Variants in TTC24 observed in about 807,000 individuals in gnomAD.
TTC24 encodes the protein tetratricopeptide repeat domain 24, also known as tetratricopeptide repeat protein 24.
Under a neutral mutation model 63.3 loss-of-function variants are expected in TTC24, and 54 were observed. The observed-to-expected ratio is 0.85, with a 90% CI of 0.69 to 1.07. The LOEUF (loss-of-function observed/expected upper bound fraction) is 1.07. Among genes scored for constraint, TTC24 ranks in the 50% least tolerant of loss-of-function variants. TTC24 has a pLI of 0.00. For missense variants in TTC24, 680 were observed against 730.5 expected (o/e 0.93, Z 0.80); for synonymous variants, 276 against 304.3 (o/e 0.91, Z 0.97).
chr1:156,584,045 T>A, intron 6 of TTC24, 150 bp downstream of exon 6: 8 of 624,152 alleles, frequency 1.3e-5, no homozygotes, highest in East Asian at 3.0e-5. Context: ...ATGAGATATA[T>A]CACTTTCCAA....
At position 156,582,419 on chromosome 1, in the gene TTC24, G is replaced by C. The variant is rs765231683; in HGVS notation, c.895G>C (p.Ala299Pro). Reference protein sequence around the residue: ...YQEAREFHQKAADLHGSVGQR... With the variant: ...YQEAREFHQKPADLHGSVGQR... The stretch of plus-strand genomic sequence containing the variant: ...GGAAGCTCGGGAGTTTCACCAGAAG[G>C]CTGCTGACCTACACGGTGGGTGCCT... The change falls in exon 3 of 11, where the codon GCT (alanine) becomes CCT (proline). Residue 299 changes from alanine to proline, a missense_variant. Ala to Pro is a conservative substitution (Grantham distance 27). Coordinates refer to ENST00000368236, the MANE Select transcript of TTC24 (RefSeq NM_001105669.4). The C allele has an allele frequency of 6.2e-7, 1 of 1,613,896 alleles. No individual in the cohort carries two copies. Among genetic ancestry groups the C allele is most frequent in the Non-Finnish European group, 8.5e-7 (1 of 1,179,844 alleles).
Position 156,581,580 on chromosome 1 carries a change from C to G in TTC24, c.216C>G (p.Thr72=). The change falls in exon 2 of 11, where the codon ACC becomes ACG. Residue 72 remains threonine (T), a synonymous_variant. Coordinates refer to ENST00000368236, the MANE Select transcript of TTC24 (RefSeq NM_001105669.4). ...TTCTGGCCTCCAAGGCCCCACAAACCAGGGATACCCCTGTGCTCCAGGCCT... is the reference window on the plus strand; with the variant it reads ...TTCTGGCCTCCAAGGCCCCACAAACGAGGGATACCCCTGTGCTCCAGGCCT... ...AFLLASKAPQ[T]RDTPVLQACA... The G allele has an allele frequency of 6.4e-7, 1 of 1,551,630 alleles. No homozygotes were observed. The highest frequency in any genetic ancestry group is 8.7e-7 in the Non-Finnish European group (1 of 1,146,942).
Position 156,581,346 on chromosome 1 carries a change from G to A in TTC24, c.-4-15G>A, listed in dbSNP as rs1205454153. The A allele has an allele frequency of 6.1e-6, 9 of 1,465,886 alleles. No homozygotes were observed. Among genetic ancestry groups the A allele is most frequent in the Non-Finnish European group, 6.3e-6 (7 of 1,105,798 alleles). 90.8% of individuals were successfully genotyped at this position (1,465,886 alleles called of 1,614,324 possible). On this transcript the variant is annotated splice_polypyrimidine_tract_variant and intron_variant, in intron 1 of 10. Coordinates refer to ENST00000368236, the MANE Select transcript of TTC24 (RefSeq NM_001105669.4). ...CCAAGGCTGACATACTGAGCCCTCT[G>A]TTCCCCTTTGTCAGCCCTATGTCTT...
intron 10 of TTC24, 141 bp from the exon 11 acceptor site, chr1:156,586,328 T>TA (rs1336311471): frequency 2.6e-5 from 19 of 717,788 alleles, no homozygotes; most frequent in Non-Finnish European, 4.3e-5. Flanking sequence ...ATATGAAGCT[T>TA]AAGCCAACTC....
chr1:156,583,541 C>T lies in TTC24; in HGVS notation c.1152+91C>T. The T allele has an allele frequency of 1.8e-6, 2 of 1,090,946 alleles. No homozygotes were observed. Among genetic ancestry groups the T allele is most frequent in the South Asian group, 3.1e-5 (2 of 64,712 alleles). The allele number at this position is 1,090,946 out of a possible 1,614,324, so 67.6% of individuals were successfully genotyped here. A position where few individuals can be genotyped will look rare whatever the true frequency, so the allele number is the denominator to read the frequency against. On this transcript the variant is annotated intron_variant, in intron 5 of 10. Transcript: ENST00000368236. This position sits in a 1 kb window ranked among gnomAD's most constrained non-coding sequence, Gnocchi z 4.0. Reference sequence around the variant, plus strand: ...TTCACTCCTTGTCTTCTCCCCATCACTCACTCAATCAGCAAACATGCACTG... The same window carrying T: ...TTCACTCCTTGTCTTCTCCCCATCATTCACTCAATCAGCAAACATGCACTG...
chr1:156,585,137 G>T lies in TTC24; in HGVS notation c.1362G>T (p.Gly454=), dbSNP rs776675227. The T allele has an allele frequency of 6.2e-7, 1 of 1,612,272 alleles. No homozygotes were observed. The highest frequency in any genetic ancestry group is 8.5e-7 in the Non-Finnish European group (1 of 1,179,014). The change falls in exon 8 of 11, where the codon GGG becomes GGT. Residue 454 remains glycine (G), a synonymous_variant. Coordinates refer to ENST00000368236, the MANE Select transcript of TTC24 (RefSeq NM_001105669.4). ...CTTGCCCCTACAGATCTTCCAGTGG[G>T]TGGGAAGATGAAGAGTTTGAGGAGG... is the stretch of plus-strand genomic sequence containing the variant. The part of the protein sequence containing the change: ...TAGVQHRSSS[G]WEDEEFEEGH...
At position 156,586,528 on chromosome 1, in the gene TTC24, C is replaced by G; in HGVS notation, c.1727C>G (p.Ser576Trp). The G allele has an allele frequency of 1.2e-6, 2 of 1,613,636 alleles. No individual in the cohort carries two copies. Among genetic ancestry groups the G allele is most frequent in the Non-Finnish European group, 8.5e-7 (1 of 1,179,776 alleles). ...AGCCGCCAGAGGAGACCCATGGAGT[C>G]GGGCATCTGCACTATTGTGTGACCT... is the stretch of plus-strand genomic sequence containing the variant. ...SRSRQRRPME[S>W]GICTIV The change falls in exon 11 of 11, where the codon TCG becomes TGG. Residue 576 changes from serine (S) to tryptophan (W), a missense_variant. Coordinates refer to ENST00000368236, the MANE Select transcript of TTC24 (RefSeq NM_001105669.4).
chr1:156,580,973 C>G (rs1396322373), intron 1 of TTC24, among the ~76,000 whole-genome samples: 1 of 152,158 alleles, frequency 6.6e-6, no homozygotes, highest in Non-Finnish European at 1.5e-5. Context: ...GTGTGCCAGA[C>G]CCTGCAAGTT....
chr1:156,584,019 C>T (rs1280670432), intron 6 of TTC24, 124 bp downstream of exon 6: 13 of 768,998 alleles, frequency 1.7e-5, no homozygotes, highest in Non-Finnish European at 2.4e-5. Context: ...TGTGTTCATC[C>T]GCCTTGAGCC....
Position 156,582,042 on chromosome 1 carries a change from C to T in TTC24, c.678C>T (p.Ala226=), listed in dbSNP as rs1015357111. 44 of 1,476,144 alleles carry T rather than the reference C, an allele frequency of 3.0e-5. No homozygotes were observed. Among genetic ancestry groups the T allele is most frequent in the Admixed American group, 1.1e-4 (4 of 37,146 alleles). 91.4% of individuals were successfully genotyped at this position (1,476,144 alleles called of 1,614,324 possible). The stretch of plus-strand genomic sequence containing the variant: ...TGCTGGAGAAAAGCCGGAGGCTTGC[C>T]GAGAGGAGCACTGAGAGGCGACTGC... The part of the protein sequence containing the change: ...VQVLEKSRRL[A]ERSTERRLLG... Residue 226 remains alanine (A), a synonymous_variant, in exon 2 of 11, where the codon GCC becomes GCT. Transcript: ENST00000368236.
Position 156,583,246 on chromosome 1 carries a change from T to TG in TTC24, c.1039+82dup, listed in dbSNP as rs1006518497. 2 of 1,516,414 alleles carry TG rather than the reference T, an allele frequency of 1.3e-6. No homozygotes were observed. The highest frequency in any genetic ancestry group is 1.6e-5 in the African/African-American group (1 of 61,316). The allele number at this position is 1,516,414 out of a possible 1,614,324, so 93.9% of individuals were successfully genotyped here. Reference sequence around the variant, plus strand: ...TCCTAGGGGCTGGCGGGGAGGCAGATGGGGGGAACTGAGGGTAGGGAGTGC... The same window carrying TG: ...TCCTAGGGGCTGGCGGGGAGGCAGATGGGGGGGAACTGAGGGTAGGGAGTGC... On this transcript the variant is annotated intron_variant, in intron 4 of 10. Coordinates refer to ENST00000368236, the MANE Select transcript of TTC24 (RefSeq NM_001105669.4). The surrounding 1 kb of genome is among the most constrained non-coding windows in gnomAD (Gnocchi z 4.0).
rs898018072 is a variant in TTC24, at chr1:156,581,972, G to A, written c.608G>A (p.Cys203Tyr). 1 of 1,524,836 alleles carries A rather than the reference G, an allele frequency of 6.6e-7. No individual in the cohort carries two copies. The highest frequency in any genetic ancestry group is 1.4e-5 in the African/African-American group (1 of 71,502). 94.5% of individuals were successfully genotyped at this position (1,524,836 alleles called of 1,614,324 possible). A position where few individuals can be genotyped will look rare whatever the true frequency, so the allele number is the denominator to read the frequency against. The change falls in exon 2 of 11, where the codon TGT becomes TAT. Residue 203 changes from cysteine to tyrosine, a missense_variant. By Grantham distance (194) the Cys-to-Tyr change is radical (BLOSUM62 -2). Coordinates refer to ENST00000368236, the MANE Select transcript of TTC24 (RefSeq NM_001105669.4). ...AALALGAAAG[C>Y]MLKSGRHRVG... ...CTGGCACTGGGGGCTGCGGCAGGATGTATGCTGAAGAGTGGGCGGCATCGG... is the reference window on the plus strand; with the variant it reads ...CTGGCACTGGGGGCTGCGGCAGGATATATGCTGAAGAGTGGGCGGCATCGG...
rs1363795582 is a variant in TTC24 at position 156,582,313 on chromosome 1, G to A, written c.789G>A (p.Leu263=). ...CCGTGGAGGCCTTCCTGCAGGCCCT[G>A]CCCCTGTGCTGGGTGCCAGGAGAGC... ...PLAVEAFLQA[L]PLCWVPGEQA... Residue 263 remains leucine, a synonymous_variant, in exon 3 of 11, where the codon CTG becomes CTA. Transcript: ENST00000368236. 2 of 1,594,116 alleles carry A rather than the reference G, an allele frequency of 1.3e-6. No homozygotes were observed. The highest frequency in any genetic ancestry group is 2.3e-5 in the South Asian group (2 of 87,904).
chr1:156,582,078 C>T lies in TTC24; in HGVS notation c.706+8C>T. Reference sequence around the variant, plus strand: ...CTGAGAGGCGACTGCTGGGTGAGACCTTCGGGCAGGGAAGGCATGGGATCT... The same window carrying T: ...CTGAGAGGCGACTGCTGGGTGAGACTTTCGGGCAGGGAAGGCATGGGATCT... On this transcript the variant is annotated splice_region_variant and intron_variant, in intron 2 of 10. Transcript: ENST00000368236. 6.8e-7 allele frequency: 1 copy of T among 1,464,614 alleles called. No individual in the cohort carries two copies. The highest frequency in any genetic ancestry group is 9.0e-7 in the Non-Finnish European group (1 of 1,107,154). 90.7% of individuals were successfully genotyped at this position (1,464,614 alleles called of 1,614,324 possible).
chr1:156,585,454 C>T, intron 8 of TTC24: 1 of 600,144 alleles, frequency 1.7e-6, no homozygotes, highest in South Asian at 2.0e-5. Context: ...TCTCTCAAGG[C>T]CCTGGACCAT....
At position 156,584,819 on chromosome 1, in the gene TTC24, C is replaced by T. The variant is rs1312522068; in HGVS notation, c.1252-58C>T. On this transcript the variant is annotated intron_variant, in intron 6 of 10. Coordinates refer to ENST00000368236, the MANE Select transcript of TTC24 (RefSeq NM_001105669.4). Reference sequence around the variant, plus strand: ...CATAAGTCTCTGGAGGGAGCACACACGTAGCTGGGATGGCCGTTTTTCTCA... The same window carrying T: ...CATAAGTCTCTGGAGGGAGCACACATGTAGCTGGGATGGCCGTTTTTCTCA... 8.1e-6 allele frequency: 10 copies of T among 1,237,602 alleles called. No homozygotes were observed. The Admixed American group carries it at 1.1e-4, about 13-fold the overall frequency. 76.7% of individuals were successfully genotyped at this position (1,237,602 alleles called of 1,614,324 possible).
At position 156,582,404 on chromosome 1, in the gene TTC24, G is replaced by A. The variant is rs375942101; in HGVS notation, c.880G>A (p.Glu294Lys). Residue 294 changes from glutamate to lysine, a missense_variant, in exon 3 of 11, where the codon GAG (glutamate) becomes AAG (lysine). Transcript: ENST00000368236. ...NALGNYQEAREFHQKAADLHG... is the reference protein window; with the variant it reads ...NALGNYQEARKFHQKAADLHG... ...CCTCGGCAACTATCAGGAAGCTCGGGAGTTTCACCAGAAGGCTGCTGACCT... is the reference window on the plus strand; with the variant it reads ...CCTCGGCAACTATCAGGAAGCTCGGAAGTTTCACCAGAAGGCTGCTGACCT... 37 of 1,613,936 alleles carry A rather than the reference G, an allele frequency of 2.3e-5. No homozygotes were observed. In the African/African-American group the frequency reaches 3.7e-4, roughly 16 times the overall value.
In TTC24 at chr1:156,583,139, C is replaced by T. The variant is rs575601645; in HGVS notation, c.1008C>T (p.Tyr336=). Reference sequence around the variant, plus strand: ...ACCACAAGGCTGCCAGAGACAACTACCTGCATGCCCTGCAGGCTGCCCGGG... The same window carrying T: ...ACCACAAGGCTGCCAGAGACAACTATCTGCATGCCCTGCAGGCTGCCCGGG... ...LGDHKAARDN[Y]LHALQAARDS... is the part of the protein sequence containing the mutation. The change falls in exon 4 of 11, where the codon TAC becomes TAT. Residue 336 remains tyrosine (Y), a synonymous_variant. Coordinates refer to ENST00000368236, the MANE Select transcript of TTC24 (RefSeq NM_001105669.4). This position sits in a 1 kb window ranked among gnomAD's most constrained non-coding sequence, Gnocchi z 4.0. 1.4e-5 allele frequency: 23 copies of T among 1,613,330 alleles called. No homozygotes were observed. Among genetic ancestry groups the T allele is most frequent in the African/African-American group, 4.0e-5 (3 of 75,002 alleles).
intron 3 of TTC24, 50 bp from the exon 4 acceptor site, chr1:156,582,992 G>A (rs1677044395): frequency 6.4e-7 from 1 of 1,568,440 alleles, no homozygotes; most frequent in Non-Finnish European, 8.7e-7. Context: ...GGGTCCTGAT[G>A]TCCCAGCAGC....
Sources: gnomAD v4.1 joint callset for allele counts (sites outside exome capture counted in the v4.1 genomes callset) on GRCh38, gnomAD v4.1.1 for gene constraint, Gnocchi (gnomAD v3.1) non-coding constraint, MANE v1.5 for transcripts, NCBI Gene and HGNC (gene_info 2026-07-23, HGNC 2026-07-21) for gene names.